UGT1A7: variants seen among roughly 807,000 people sequenced by gnomAD.
The protein encoded by UGT1A7 is UDP-glucuronosyltransferase 1A7.
Under a neutral mutation model 45.6 loss-of-function variants are expected in UGT1A7, and 33 were observed. The observed-to-expected ratio is 0.72, with a 90% confidence interval of 0.55 to 0.97. UGT1A7 has a LOEUF of 0.97. Among genes scored for constraint, UGT1A7 ranks in the 50% least tolerant of loss-of-function variants. The pLI is 0.00. For synonymous variants in UGT1A7, 274 were observed against 250.6 expected, an observed-to-expected ratio of 1.09 and a Z score of -0.88; for missense variants, 684 against 666.2, an observed-to-expected ratio of 1.03 and a Z score of -0.29.
intron 1 of UGT1A7, 145 bp from the exon 2 acceptor site, chr2:233,766,889 C>A: frequency 6.8e-7 from 1 of 1,464,614 alleles, no homozygotes; most frequent in Non-Finnish European, 9.0e-7. Context: ...GTAAAACTTA[C>A]ATATTAATAA....
intron 1 of UGT1A7, among the ~76,000 whole-genome samples, chr2:233,716,976 C>T (rs1875263): frequency 0.42 from 64,188 of 151,992 alleles, 14,717 homozygotes; most frequent in African/African-American, 0.61. Context: ...TCTCCCTCCC[C>T]ACAGTCCTGC....
Position 233,729,783 on chromosome 2 carries a change from C to T in UGT1A7, c.856-37251C>T, listed in dbSNP as rs761502728. On this transcript the variant is annotated intron_variant, in intron 1 of 4. Coordinates refer to ENST00000373426, the MANE Select transcript of UGT1A7 (RefSeq NM_019077.3). Reference sequence around the variant, plus strand: ...TCAAGAACATGCTCTACCCTCTGGCCCTGTCCTACATTTGCCATGCTTTTT... The same window carrying T: ...TCAAGAACATGCTCTACCCTCTGGCTCTGTCCTACATTTGCCATGCTTTTT... 6 of 1,613,820 alleles carry T rather than the reference C, an allele frequency of 3.7e-6. No homozygotes were observed. In the Admixed American group the frequency reaches 8.3e-5, roughly 22 times the overall value.
chr2:233,723,612 A>G (rs2077104737), intron 1 of UGT1A7, among the ~76,000 whole-genome samples: 1 of 100,308 alleles, frequency 1.0e-5, no homozygotes, highest in Admixed American at 1.1e-4. Context: ...ACAATAGTGG[A>G]GGGAAGGTCA....
chr2:233,734,158 C>CT (rs2078493084), intron 1 of UGT1A7, among the ~76,000 whole-genome samples: 1 of 151,988 alleles, frequency 6.6e-6, no homozygotes, highest in African/African-American at 2.4e-5. Flanking sequence ...TGGTCCTGGA[C>CT]TTTTTTTGGT....
chr2:233,747,846 A>G, intron 1 of UGT1A7: 1 of 1,613,572 alleles, frequency 6.2e-7, no homozygotes, highest in Non-Finnish European at 8.5e-7. Context: ...GCAAAGGGTC[A>G]AGAACATGCT....
intron 1 of UGT1A7, among the ~76,000 whole-genome samples, chr2:233,736,321 A>G (rs1202722197): frequency 6.6e-6 from 1 of 152,088 alleles, no homozygotes; most frequent in Non-Finnish European, 1.5e-5. Context: ...AATTTTGTGC[A>G]TGTGTTATGA....
chr2:233,709,581 A>G (rs981094993), intron 1 of UGT1A7, among the ~76,000 whole-genome samples: 1 of 152,230 alleles, frequency 6.6e-6, no homozygotes, highest in East Asian at 1.9e-4. Flanking sequence ...TTCAAAAAAT[A>G]TACCAGGATG....
At chr2:233,723,587 T>C (rs2077102865) in intron 1 of UGT1A7, among the ~76,000 whole-genome samples, 1 of 113,268 alleles carries the variant, frequency 8.8e-6, no homozygotes, top group Non-Finnish European at 1.8e-5. Context: ...GAGGGGGATT[T>C]GGCAGGGTCA....
At chr2:233,736,991 G>A (rs1181891962) in intron 1 of UGT1A7, among the ~76,000 whole-genome samples, 1 of 152,206 alleles carries the variant, frequency 6.6e-6, no homozygotes, top group Non-Finnish European at 1.5e-5. Flanking sequence ...GATACACAGA[G>A]GTCAGGGACC....
intron 1 of UGT1A7, among the ~76,000 whole-genome samples, chr2:233,766,497 A>T (rs906652149): frequency 3.9e-5 from 6 of 152,128 alleles, no homozygotes; most frequent in Admixed American, 3.9e-4. Context: ...GTGGCAGGCC[A>T]GGGTGGTTTT....
intron 1 of UGT1A7, among the ~76,000 whole-genome samples, chr2:233,737,955 G>A (rs1690643843): frequency 6.6e-6 from 1 of 151,990 alleles, no homozygotes; most frequent in African/African-American, 2.4e-5. Context: ...TTCCCAACAT[G>A]AGGTCACACT....
At chr2:233,734,739 A>C (rs1237187845) in intron 1 of UGT1A7, among the ~76,000 whole-genome samples, 2 of 152,196 alleles carry the variant, frequency 1.3e-5, no homozygotes, top group East Asian at 1.9e-4. Context: ...GTTTCAAAGA[A>C]CATCTTTATT....
At chr2:233,745,011 G>A (rs1692986382) in intron 1 of UGT1A7, among the ~76,000 whole-genome samples, 1 of 151,810 alleles carries the variant, frequency 6.6e-6, no homozygotes, top group South Asian at 2.1e-4. Flanking sequence ...CCTAATAAAT[G>A]TAAATGCTAT....
intron 1 of UGT1A7, among the ~76,000 whole-genome samples, chr2:233,731,635 T>C (rs2078185230): frequency 6.6e-6 from 1 of 152,238 alleles, no homozygotes; most frequent in Non-Finnish European, 1.5e-5. Flanking sequence ...TATGGCTGCA[T>C]AGTATTCCAT....
intron 1 of UGT1A7, among the ~76,000 whole-genome samples, chr2:233,740,479 C>T (rs1387993286): frequency 6.6e-6 from 1 of 151,850 alleles, no homozygotes; most frequent in East Asian, 1.9e-4. Context: ...AGGATCATTC[C>T]CTCTTCCAGA....
rs950702483 is a variant in UGT1A7 at position 233,748,193 on chromosome 2, C to G, written c.856-18841C>G. 9.0e-6 allele frequency: 14 copies of G among 1,552,524 alleles called. No individual in the cohort carries two copies. The Admixed American group carries it at 2.6e-4, about 28-fold the overall frequency. ...TATCTTTCTGGTGCTTTTATTTCTGCTTGTCGTAATAGCCTTCAGTGAGAT... is the reference window on the plus strand; with the variant it reads ...TATCTTTCTGGTGCTTTTATTTCTGGTTGTCGTAATAGCCTTCAGTGAGAT... On this transcript the variant is annotated intron_variant, in intron 1 of 4. Transcript: ENST00000373426.
intron 1 of UGT1A7, chr2:233,693,869 G>C (rs1216343512): frequency 6.2e-7 from 1 of 1,614,152 alleles, no homozygotes; most frequent in Non-Finnish European, 8.5e-7. Flanking sequence ...GTCTCAGGTT[G>C]GTGGGTTTAT....
At chr2:233,712,842 C>A in intron 1 of UGT1A7, 1 of 1,510,466 alleles carries the variant, frequency 6.6e-7, no homozygotes, top group Non-Finnish European at 8.9e-7. Flanking sequence ...TATAGATTAA[C>A]GGGTAATAAG....
rs144721642 is a variant in UGT1A7, at chr2:233,760,960, G to A, written c.856-6074G>A. 13 of 1,614,166 alleles carry A rather than the reference G, an allele frequency of 8.1e-6. No homozygotes were observed. Among genetic ancestry groups the A allele is most frequent in the African/African-American group, 5.3e-5 (4 of 75,032 alleles). On this transcript the variant is annotated intron_variant, in intron 1 of 4. Coordinates refer to ENST00000373426, the MANE Select transcript of UGT1A7 (RefSeq NM_019077.3). The stretch of plus-strand genomic sequence containing the variant: ...CTTTTCACAGAACTTTCTGTGCGAC[G>A]TGGTTTATTCCCCGTATGCAACCCT...
Sources: allele counts gnomAD v4.1 joint callset (sites outside exome capture counted in the v4.1 genomes callset), GRCh38; gene constraint gnomAD v4.1.1; transcripts MANE v1.5; gene names NCBI Gene and HGNC (gene_info 2026-07-23, HGNC 2026-07-21).